USH1C: variants seen among roughly 807,000 people sequenced by gnomAD.
The protein encoded by USH1C is harmonin.
A neutral mutation model predicts 119.3 loss-of-function variants in USH1C; 90 were observed. That is an observed-to-expected ratio of 0.75 (90% CI 0.64 to 0.90). The LOEUF (loss-of-function observed/expected upper bound fraction) is 0.90, where lower values mean the gene tolerates loss of function less well. USH1C is among the 40% of genes least tolerant of loss of function. The pLI is 0.00. For synonymous variants in USH1C, 465 were observed against 443.3 expected (o/e 1.05, Z -0.62); for missense variants, 1,165 against 1,167.7 (o/e 1.00, Z 0.03).
chr11:17,541,814 G>A (rs1037648750), intron 1 of USH1C, among the ~76,000 whole-genome samples: 3 of 152,320 alleles, frequency 2.0e-5, no homozygotes, highest in African/African-American at 2.4e-5. Context: ...TGGTTACTGT[G>A]GGCCCAGAGC....
intron 24 of USH1C, 115 bp downstream of exon 24, chr11:17,498,047 T>C: frequency 1.1e-6 from 1 of 872,540 alleles, no homozygotes; most frequent in Non-Finnish European, 1.9e-6. Context: ...AAGTGTTGCC[T>C]GGACTCCAGA....
rs896852599 is a variant in USH1C, at chr11:17,494,188, C to T, written c.*144G>A. ...TGGCCCGAGCTGTTCCTTATCTGGC[C>T]CTGGTTCAGGGCCAAAGGGAGTTTG... On this transcript the variant is annotated 3_prime_UTR_variant, in exon 27 of 27. Transcript: ENST00000005226. The T allele has an allele frequency of 3.7e-6, 4 of 1,068,658 alleles. No homozygotes were observed. The Admixed American group carries it at 8.1e-5, about 22-fold the overall frequency. The allele number at this position is 1,068,658 out of a possible 1,614,324, so 66.2% of individuals were successfully genotyped here. A position where few individuals can be genotyped will look rare whatever the true frequency, so the allele number is the denominator to read the frequency against.
rs1294759353 is a variant in USH1C at position 17,517,469 on chromosome 11, G to A, written c.1211-1179C>T. 4.4e-6 allele frequency: 7 copies of A among 1,591,948 alleles called. No individual in the cohort carries two copies. Reference sequence around the variant, plus strand: ...GGCTCGAGCTCAGGTTCCACTCCCTGATCATCTACCCAGGGAAAAGAGGAG... The same window carrying A: ...GGCTCGAGCTCAGGTTCCACTCCCTAATCATCTACCCAGGGAAAAGAGGAG... On this transcript the variant is annotated intron_variant, in intron 14 of 26. Transcript: ENST00000005226.
chr11:17,536,467 C>T (rs1851235045), intron 1 of USH1C, among the ~76,000 whole-genome samples: 1 of 152,118 alleles, frequency 6.6e-6, no homozygotes, highest in Non-Finnish European at 1.5e-5. Flanking sequence ...TTCTCCCTTC[C>T]CTGGGCCAAG....
At position 17,533,146 on chromosome 11, in the gene USH1C, C is replaced by A; in HGVS notation, c.104+109G>T. ...GTATGTCCATTTGATTTCCAGGAGCCGTGAGCATCCACCCTCTGAGCTCCT... is the reference window on the plus strand; with the variant it reads ...GTATGTCCATTTGATTTCCAGGAGCAGTGAGCATCCACCCTCTGAGCTCCT... On this transcript the variant is annotated intron_variant, in intron 2 of 26. Transcript: ENST00000005226. The A allele has an allele frequency of 6.1e-6, 5 of 826,158 alleles. No individual in the cohort carries two copies. The South Asian group carries it at 6.7e-5, about 11-fold the overall frequency. 51.2% of individuals were successfully genotyped at this position (826,158 alleles called of 1,614,324 possible).
At chr11:17,543,147 C>T (rs897942675) in intron 1 of USH1C, among the ~76,000 whole-genome samples, 5 of 152,216 alleles carry the variant, frequency 3.3e-5, no homozygotes, top group African/African-American at 1.2e-4. Context: ...AATAACTGAC[C>T]CCGGGCCCTT....
intron 14 of USH1C, among the ~76,000 whole-genome samples, chr11:17,516,939 G>A (rs112455337): frequency 5.9e-5 from 9 of 152,226 alleles, no homozygotes; most frequent in Admixed American, 3.3e-4. Flanking sequence ...TCCCCAGGCC[G>A]CAGCTCCACA....
intron 15 of USH1C, among the ~76,000 whole-genome samples, chr11:17,513,849 A>G (rs1850014784): frequency 6.6e-6 from 1 of 151,652 alleles, no homozygotes; most frequent in Admixed American, 6.6e-5. Flanking sequence ...AAAAAAAACT[A>G]CCAGTGCTAA....
chr11:17,506,662 T>C (rs987752938), intron 18 of USH1C, among the ~76,000 whole-genome samples: 6 of 152,248 alleles, frequency 3.9e-5, no homozygotes, highest in Admixed American at 1.3e-4. Context: ...CAGGCTTTCT[T>C]GCCTTGAGGC....
chr11:17,516,701 G>A (rs1314853844), intron 14 of USH1C: 3 of 312,480 alleles, frequency 9.6e-6, no homozygotes, highest in Non-Finnish European at 1.9e-5. Flanking sequence ...ACAAAAAATG[G>A]CTCGAGACAA....
intron 2 of USH1C, 38 bp downstream of exon 2, chr11:17,533,217 C>G: frequency 6.4e-7 from 1 of 1,566,906 alleles, no homozygotes; most frequent in Non-Finnish European, 8.8e-7. Flanking sequence ...GACAAAGGAA[C>G]CCAAGTGGCC....
intron 24 of USH1C, 68 bp from the exon 25 acceptor site, chr11:17,496,881 T>A (rs1849269274): frequency 2.5e-6 from 4 of 1,586,040 alleles, no homozygotes; most frequent in Non-Finnish European, 3.5e-6. Flanking sequence ...CGGCACTCCA[T>A]CCCCATTTCT....
chr11:17,527,495 C>T (rs1290558883), intron 4 of USH1C, among the ~76,000 whole-genome samples, 164 bp from the exon 5 acceptor site: 4 of 151,970 alleles, frequency 2.6e-5, no homozygotes, highest in Non-Finnish European at 4.4e-5. Context: ...TCCATCAGCC[C>T]GGGGGATCCC....
Position 17,527,281 on chromosome 11 carries a change from G to C in USH1C, c.438C>G (p.Thr146=), listed in dbSNP as rs1850745239. The C allele has an allele frequency of 6.2e-7, 1 of 1,612,582 alleles. No homozygotes were observed. Residue 146 remains threonine, a synonymous_variant, in exon 5 of 27, where the codon ACC becomes ACG. Transcript: ENST00000005226. ...GAATGAGGTTGATGACCTCCTCATG[G>C]GTACAGGAGGAGATGGAATATCCAT... ...RINGYSISSC[T]HEEVINLIRT... is the part of the protein sequence containing the mutation.
At chr11:17,513,509 C>T (rs1394076740) in intron 15 of USH1C, among the ~76,000 whole-genome samples, 1 of 152,148 alleles carries the variant, frequency 6.6e-6, no homozygotes, top group Admixed American at 6.5e-5. Flanking sequence ...CTTCCTAGCT[C>T]CTCTCCTAAA....
chr11:17,505,735 C>T lies in USH1C; in HGVS notation c.2133+95G>A, dbSNP rs1849622815. Reference sequence around the variant, plus strand: ...GGCATCTGTGATCTGCATTTTTGTCCCACCTCACTTGCCCTCCAGAGACAG... The same window carrying T: ...GGCATCTGTGATCTGCATTTTTGTCTCACCTCACTTGCCCTCCAGAGACAG... On this transcript the variant is annotated intron_variant, in intron 19 of 26. Coordinates refer to ENST00000005226, the MANE Select transcript of USH1C (RefSeq NM_153676.4). 21 of 1,572,030 alleles carry T rather than the reference C, an allele frequency of 1.3e-5. No homozygotes were observed. In the South Asian group the frequency reaches 1.9e-4, roughly 15 times the overall value.
chr11:17,513,697 T>C (rs1161652903), intron 15 of USH1C, among the ~76,000 whole-genome samples: 3 of 152,168 alleles, frequency 2.0e-5, no homozygotes, highest in Non-Finnish European at 4.4e-5. Flanking sequence ...GCCATCGTAG[T>C]AGAGATTCAG....
rs1849849933 is a variant in USH1C at position 17,510,671 on chromosome 11, C to G, written c.1414-150G>C. 9 of 702,572 alleles carry G rather than the reference C, an allele frequency of 1.3e-5. No individual in the cohort carries two copies. The Admixed American group carries it at 1.7e-4, about 13-fold the overall frequency. 43.5% of individuals were successfully genotyped at this position (702,572 alleles called of 1,614,324 possible). A position where few individuals can be genotyped will look rare whatever the true frequency, so the allele number is the denominator to read the frequency against. On this transcript the variant is annotated intron_variant, in intron 16 of 26. Coordinates refer to ENST00000005226, the MANE Select transcript of USH1C (RefSeq NM_153676.4). ...AGAAAGAGACCTGGGCTTGTTCCAA[C>G]TGGCCCTCAAGGAGGCAGCAGCAAG...
chr11:17,523,009 G>A (rs1045563709), intron 11 of USH1C, 83 bp from the exon 12 acceptor site: 46 of 1,597,130 alleles, frequency 2.9e-5, no homozygotes, highest in Non-Finnish European at 3.9e-5. Flanking sequence ...CGAGATGCAG[G>A]TGGTCTTCTC....
Sources: gnomAD v4.1 joint callset for allele counts (sites outside exome capture counted in the v4.1 genomes callset) on GRCh38, gnomAD v4.1.1 for gene constraint, MANE v1.5 for transcripts, NCBI Gene and HGNC (gene_info 2026-07-23, HGNC 2026-07-21) for gene names.